The following ZNF142 variants were observed in gnomAD, a reference collection of about 807,000 sequenced individuals.
ZNF142 encodes zinc finger protein 142.
A neutral mutation model predicts 132.1 loss-of-function variants in ZNF142; 96 were observed. The observed-to-expected ratio is 0.73, with a 90% CI of 0.62 to 0.86. The LOEUF (loss-of-function observed/expected upper bound fraction) is 0.86, where lower values mean the gene tolerates loss of function less well. Among genes scored for constraint, ZNF142 ranks in the 40% least tolerant of loss-of-function variants. The pLI, the probability that ZNF142 is intolerant of heterozygous loss-of-function variation, is 0.00. For missense variants in ZNF142, 2,163 were observed against 2,336.2 expected, an observed-to-expected ratio of 0.93 and a Z score of 1.53; for synonymous variants, 842 against 890.1, an observed-to-expected ratio of 0.95 and a Z score of 0.96.
rs565122956 is a variant in ZNF142, at chr2:218,633,412, G to A, written c.*4927C>T. On this transcript the variant is annotated 3_prime_UTR_variant, in exon 11 of 11. Coordinates refer to ENST00000411696, the MANE Select transcript of ZNF142 (RefSeq NM_001379659.1). ...TTGTGACGTGCCCGCTGTTTTGTCC[G>A]TCTATCTGTTGTCAGATTGTGGCCC... The A allele has an allele frequency of 1.9e-4, 143 of 734,378 alleles. No homozygotes were observed. Among genetic ancestry groups the A allele is most frequent in the South Asian group, 3.1e-4 (21 of 68,154 alleles). The allele number at this position is 734,378 out of a possible 1,614,324, so 45.5% of individuals were successfully genotyped here. A position where few individuals can be genotyped will look rare whatever the true frequency, so the allele number is the denominator to read the frequency against.
rs200894546 is a variant in ZNF142, at chr2:218,638,604, C to T, written c.5399G>A (p.Arg1800His). The part of the protein sequence containing the change: ...AKPYVCNVCH[R>H]AFRWAAGLRH... The stretch of plus-strand genomic sequence containing the variant: ...CAGGCCAGCAGCCCAGCGGAAAGCA[C>T]GGTGGCACACATTGCACACATAGGG... Residue 1800 changes from arginine (R) to histidine (H), a missense_variant, in exon 11 of 11, where the codon CGT becomes CAT. Around this residue, in one of 7 missense-constraint regions of ZNF142, gnomAD observed 325 missense variants for 367.8 expected, o/e 0.88. Transcript: ENST00000411696. 49 of 1,613,850 alleles carry T rather than the reference C, an allele frequency of 3.0e-5. No homozygotes were observed. Among genetic ancestry groups the T allele is most frequent in the East Asian group, 2.5e-4 (11 of 44,882 alleles).
Position 218,659,016 on chromosome 2 carries a change from C to T in ZNF142, c.-247G>A, listed in dbSNP as rs540681952. The T allele has an allele frequency of 1.3e-5, 2 of 152,406 alleles. No individual in the cohort carries two copies. Among genetic ancestry groups the T allele is most frequent in the East Asian group, 3.9e-4 (2 of 5,174 alleles). The allele number at this position is 152,406 out of a possible 1,614,324, so 9.4% of individuals were successfully genotyped here. ...GGACAGACACAGTCGCTTCGCTTCT[C>T]TGGGCCTCAGCTTTCCTATCTGTAA... On this transcript the variant is annotated 5_prime_UTR_variant, in exon 2 of 11. Transcript: ENST00000411696. The surrounding 1 kb of genome is among the most constrained non-coding windows in gnomAD (Gnocchi z 4.4).
chr2:218,656,062 C>A, intron 4 of ZNF142, 88 bp downstream of exon 4: 1 of 1,388,872 alleles, frequency 7.2e-7, no homozygotes. Flanking sequence ...ACCTTGTGTT[C>A]TCATCATATT....
Position 218,637,328 on chromosome 2 carries a change from T to C in ZNF142, c.*1011A>G, listed in dbSNP as rs1161065777. 1.3e-5 allele frequency: 2 copies of C among 158,624 alleles called. No individual in the cohort carries two copies. Among genetic ancestry groups the C allele is most frequent in the South Asian group, 1.9e-4 (1 of 5,328 alleles). 9.8% of individuals were successfully genotyped at this position (158,624 alleles called of 1,614,324 possible). ...TGCTACATAGGAAGGACACAGAGTA[T>C]GGCTTTTAAGAATCAGGGCAAAAGC... On this transcript the variant is annotated 3_prime_UTR_variant, in exon 11 of 11. Transcript: ENST00000411696.
chr2:218,645,118 GA>G (rs1328557349), intron 8 of ZNF142, 54 bp from the exon 9 acceptor site: 127 of 1,575,690 alleles, frequency 8.1e-5, no homozygotes, highest in Non-Finnish European at 1.1e-4. Context: ...CAACAACTAA[GA>G]ATCAGTCAGT....
rs776246021 is a variant in ZNF142 at position 218,638,792 on chromosome 2, C to G, written c.5211G>C (p.Gln1737His). Residue 1737 changes from glutamine (Q) to histidine (H), a missense_variant, in exon 11 of 11, where the codon CAG becomes CAC. This residue lies in a region of ZNF142 where 325 missense variants were observed against 367.8 expected (regional missense o/e 0.88). Transcript: ENST00000411696. Reference protein sequence around the residue: ...MTKHTGLKPYQCPECEYCTNR... With the variant: ...MTKHTGLKPYHCPECEYCTNR... ...TGGTGCAGTACTCACACTCGGGACA[C>G]TGGTATGGCTTCAGTCCTACAGGAC... 1 of 1,600,846 alleles carries G rather than the reference C, an allele frequency of 6.2e-7. No individual in the cohort carries two copies. Among genetic ancestry groups the G allele is most frequent in the East Asian group, 2.2e-5 (1 of 44,794 alleles).
Position 218,642,098 on chromosome 2 carries a change from A to G in ZNF142, c.5018T>C (p.Ile1673Thr), listed in dbSNP as rs763194592. The change falls in exon 9 of 11, where the codon ATC becomes ACC. Residue 1673 changes from isoleucine (I) to threonine (T), a missense_variant. By Grantham distance (89) the Ile-to-Thr change is moderately conservative (BLOSUM62 -1). This residue lies in a region of ZNF142 where 325 missense variants were observed against 367.8 expected (regional missense o/e 0.88). Coordinates refer to ENST00000411696, the MANE Select transcript of ZNF142 (RefSeq NM_001379659.1). The surrounding 1 kb of genome is among the most constrained non-coding windows in gnomAD (Gnocchi z 4.6). ...GTGGTAAGGCTTTTCCCCAGTGTGGATGCGGCTGTGCCAGGTGATCTTCTG... is the reference window on the plus strand; with the variant it reads ...GTGGTAAGGCTTTTCCCCAGTGTGGGTGCGGCTGTGCCAGGTGATCTTCTG... Reference protein sequence around the residue: ...NRQKITWHSRIHTGEKPYHCH... With the variant: ...NRQKITWHSRTHTGEKPYHCH... 4 of 1,614,198 alleles carry G rather than the reference A, an allele frequency of 2.5e-6. No individual in the cohort carries two copies. In the Admixed American group the frequency reaches 6.7e-5, roughly 27 times the overall value.
Position 218,636,134 on chromosome 2 carries a change from A to T in ZNF142, c.*2205T>A. On this transcript the variant is annotated 3_prime_UTR_variant, in exon 11 of 11. Coordinates refer to ENST00000411696, the MANE Select transcript of ZNF142 (RefSeq NM_001379659.1). ...TTGCTTACTCTGAGCCTTTTTCCTT[A>T]CCTGTAAAATGCTGATTGCCATCTA... 7.1e-7 allele frequency: 1 copy of T among 1,399,614 alleles called. No homozygotes were observed. Among genetic ancestry groups the T allele is most frequent in the Admixed American group, 1.9e-5 (1 of 53,192 alleles). The allele number at this position is 1,399,614 out of a possible 1,614,324, so 86.7% of individuals were successfully genotyped here. A position where few individuals can be genotyped will look rare whatever the true frequency, so the allele number is the denominator to read the frequency against.
Position 218,633,593 on chromosome 2 carries a change from C to T in ZNF142, c.*4746G>A. 6.2e-7 allele frequency: 1 copy of T among 1,611,972 alleles called. No homozygotes were observed. The highest frequency in any genetic ancestry group is 8.5e-7 in the Non-Finnish European group (1 of 1,178,096). On this transcript the variant is annotated 3_prime_UTR_variant, in exon 11 of 11. Transcript: ENST00000411696. Reference sequence around the variant, plus strand: ...GAGGGTTCAATTCCATCTTCTTTTCCACCTTCTCCAGAAATCCAAGCCCAT... The same window carrying T: ...GAGGGTTCAATTCCATCTTCTTTTCTACCTTCTCCAGAAATCCAAGCCCAT...
intron 8 of ZNF142, 117 bp downstream of exon 8, chr2:218,646,054 T>C: frequency 7.2e-7 from 1 of 1,396,372 alleles, no homozygotes; most frequent in Non-Finnish European, 9.8e-7. Context: ...CACCCGGCCT[T>C]AGGAGGAGAC....
rs1362273795 is a variant in ZNF142, at chr2:218,634,588, G to C, written c.*3751C>G. ...ATATCCAGAGTTCTTTCCACCCTGA[G>C]AAGCCCATCAGCCCTTTCAAAGCCC... On this transcript the variant is annotated 3_prime_UTR_variant, in exon 11 of 11. Coordinates refer to ENST00000411696, the MANE Select transcript of ZNF142 (RefSeq NM_001379659.1). The surrounding 1 kb of genome is among the most constrained non-coding windows in gnomAD (Gnocchi z 4.0). 6.2e-7 allele frequency: 1 copy of C among 1,614,062 alleles called. No individual in the cohort carries two copies. Among genetic ancestry groups the C allele is most frequent in the Admixed American group, 1.7e-5 (1 of 60,020 alleles).
chr2:218,633,532 T>C lies in ZNF142; in HGVS notation c.*4807A>G. 6.5e-7 allele frequency: 1 copy of C among 1,530,140 alleles called. No individual in the cohort carries two copies. The highest frequency in any genetic ancestry group is 1.1e-5 in the South Asian group (1 of 89,222). 94.8% of individuals were successfully genotyped at this position (1,530,140 alleles called of 1,614,324 possible). ...GGGAGGCAGTGGGCAGAGGTTTAGG[T>C]TGGATGGCCATTATCTTCTTCTCTC... On this transcript the variant is annotated 3_prime_UTR_variant, in exon 11 of 11. Coordinates refer to ENST00000411696, the MANE Select transcript of ZNF142 (RefSeq NM_001379659.1).
intron 8 of ZNF142, among the ~76,000 whole-genome samples, chr2:218,645,844 C>T (rs1250161261): frequency 6.6e-6 from 1 of 152,172 alleles, no homozygotes; most frequent in Non-Finnish European, 1.5e-5. Context: ...CTCATTGCAA[C>T]CTCCACCCCC....
chr2:218,651,398 A>G (rs907334576), intron 5 of ZNF142, among the ~76,000 whole-genome samples: 1 of 152,190 alleles, frequency 6.6e-6, no homozygotes, highest in African/African-American at 2.4e-5. Flanking sequence ...GGTCATTTTC[A>G]CTTTAGCTCT....
At chr2:218,653,136 CA>C (rs1217591955) in intron 4 of ZNF142, among the ~76,000 whole-genome samples, 1 of 151,956 alleles carries the variant, frequency 6.6e-6, no homozygotes. Context: ...AAAAATTAGC[CA>C]GGCGTGGTGG....
rs2106170280 is a variant in ZNF142, at chr2:218,635,153, G to A, written c.*3186C>T. Among the ~76,000 whole-genome samples the A allele has an allele frequency of 6.6e-6, 1 of 152,020 alleles. No individual in the cohort carries two copies. Among genetic ancestry groups the A allele is most frequent in the Non-Finnish European group, 1.5e-5 (1 of 67,962 alleles). On this transcript the variant is annotated 3_prime_UTR_variant, in exon 11 of 11. Coordinates refer to ENST00000411696, the MANE Select transcript of ZNF142 (RefSeq NM_001379659.1). ...GTGGCACATGACTATAGATAGTCCT[G>A]GCTACTCAGGAGGCTAAGGCTGGAG...
intron 7 of ZNF142, among the ~76,000 whole-genome samples, chr2:218,646,876 C>T (rs1312659071): frequency 1.3e-5 from 2 of 152,152 alleles, no homozygotes; most frequent in African/African-American, 2.4e-5. Flanking sequence ...CGTGAGCCAC[C>T]GTGCCCACCC....
At position 218,644,374 on chromosome 2, in the gene ZNF142, C is replaced by T. The variant is rs1262207658; in HGVS notation, c.2742G>A (p.Glu914=). 1.2e-6 allele frequency: 2 copies of T among 1,613,900 alleles called. No homozygotes were observed. The highest frequency in any genetic ancestry group is 2.2e-5 in the South Asian group (2 of 91,078). ...ACTCCATAGGGGCTGTTTCAGTGAC[C>T]TCCTCAAGGGGTGGCTCAGTCACAG... The part of the protein sequence containing the change: ...LESVTEPPLE[E]VTETAPMEFR... Residue 914 remains glutamate (E), a synonymous_variant, in exon 9 of 11, where the codon GAG becomes GAA. Coordinates refer to ENST00000411696, the MANE Select transcript of ZNF142 (RefSeq NM_001379659.1). This position sits in a 1 kb window ranked among gnomAD's most constrained non-coding sequence, Gnocchi z 4.6.
In ZNF142 at chr2:218,636,333, G is replaced by A; in HGVS notation, c.*2006C>T. ...CGTTTTGTGGTAATGGATTATGACT[G>A]GAAATCCCGAAATGACTTTATTGGT... On this transcript the variant is annotated 3_prime_UTR_variant, in exon 11 of 11. Transcript: ENST00000411696. The A allele has an allele frequency of 4.3e-6, 7 of 1,614,040 alleles. No homozygotes were observed. The highest frequency in any genetic ancestry group is 2.2e-5 in the East Asian group (1 of 44,884).
Sources: gnomAD v4.1 joint callset for allele counts (sites outside exome capture counted in the v4.1 genomes callset) on GRCh38, gnomAD v4.1.1 for gene constraint, gnomAD v4.1.1 regional missense constraint, Gnocchi (gnomAD v3.1) non-coding constraint, MANE v1.5 for transcripts, NCBI Gene and HGNC (gene_info 2026-07-23, HGNC 2026-07-21) for gene names.